Variants in MACROD2 observed in about 807,000 individuals in gnomAD.
MACROD2 encodes mono-ADP ribosylhydrolase 2, also known as ADP-ribose glycohydrolase MACROD2.
In MACROD2, 36 loss-of-function variants were observed where a neutral mutation model predicts 70.4. The observed-to-expected ratio is 0.51, with a 90% CI of 0.39 to 0.68. The LOEUF is 0.68. Ranked by LOEUF, MACROD2 falls within the 30% of genes least tolerant of loss-of-function variation. The pLI is 0.00. For synonymous variants in MACROD2, 172 were observed against 178.8 expected, an observed-to-expected ratio of 0.96 and a Z score of 0.30; for missense variants, 496 against 538.4, an observed-to-expected ratio of 0.92 and a Z score of 0.78.
At chr20:15,327,970 G>A (rs372450663) in intron 6 of MACROD2, among the ~76,000 whole-genome samples, 4 of 152,032 alleles carry the variant, frequency 2.6e-5, no homozygotes, top group African/African-American at 9.7e-5. Context: ...CAGAAAATAA[G>A]CAGTAAACTT....
intron 3 of MACROD2, among the ~76,000 whole-genome samples, chr20:14,182,303 T>C (rs552990478): frequency 1.9e-4 from 29 of 152,334 alleles, no homozygotes; most frequent in Non-Finnish European, 7.4e-5. Context: ...ATTCAAATTC[T>C]TTACCCATTT....
chr20:14,631,706 G>C (rs1984522899), intron 4 of MACROD2: 1 of 152,220 alleles, frequency 6.6e-6, no homozygotes. Flanking sequence ...ACCCAGGAGC[G>C]GAGGTTGCAG....
At position 15,895,534 on chromosome 20, in the gene MACROD2, A is replaced by G. The variant is rs964496731; in HGVS notation, c.775+9723A>G. On this transcript the variant is annotated intron_variant, in intron 10 of 17. Coordinates refer to ENST00000684519, the MANE Select transcript of MACROD2 (RefSeq NM_001351661.2). ...ATGCTGTTGTGCTGAAACCCTCCCA[A>G]CTTTAGAGGGGATGACACCAGGTTC... 5.9e-5 allele frequency among the ~76,000 whole-genome samples: 9 copies of G among 152,174 alleles called. No individual in the cohort carries two copies. The East Asian group carries it at 7.7e-4, about 13-fold the overall frequency.
At chr20:14,823,310 C>T (rs2072867843) in intron 5 of MACROD2, among the ~76,000 whole-genome samples, 2 of 152,058 alleles carry the variant, frequency 1.3e-5, no homozygotes, top group African/African-American at 4.8e-5. Context: ...TCATGTATAG[C>T]AATGCTTAAG....
chr20:15,778,070 A>T (rs1210513324), intron 8 of MACROD2, among the ~76,000 whole-genome samples: 1 of 152,198 alleles, frequency 6.6e-6, no homozygotes, highest in African/African-American at 2.4e-5. Flanking sequence ...GAATTTCCTC[A>T]GGTGATAATC....
chr20:14,728,739 G>C (rs2071559302), intron 5 of MACROD2, among the ~76,000 whole-genome samples: 1 of 152,096 alleles, frequency 6.6e-6, no homozygotes, highest in Non-Finnish European at 1.5e-5. Context: ...AGGAAGAATA[G>C]AAAAATGTAA....
At chr20:15,824,232 C>A (rs1568581771) in intron 8 of MACROD2, among the ~76,000 whole-genome samples, 2 of 151,590 alleles carry the variant, frequency 1.3e-5, no homozygotes, top group Non-Finnish European at 2.9e-5. Flanking sequence ...AATCACATAT[C>A]TTAAGTGTCT....
intron 8 of MACROD2, among the ~76,000 whole-genome samples, chr20:15,575,626 G>A (rs990709330): frequency 2.0e-5 from 3 of 152,134 alleles, no homozygotes; most frequent in Admixed American, 2.0e-4. Flanking sequence ...TTTATGAAAG[G>A]CATTTGTAAT....
chr20:14,847,492 T>G (rs2073155921), intron 5 of MACROD2, among the ~76,000 whole-genome samples: 2 of 150,608 alleles, frequency 1.3e-5, no homozygotes, highest in South Asian at 4.2e-4. Flanking sequence ...CCTGTTTTTT[T>G]TTTTTTTTTT....
chr20:15,713,692 A>G (rs1317846416), intron 8 of MACROD2, among the ~76,000 whole-genome samples: 3 of 152,112 alleles, frequency 2.0e-5, no homozygotes, highest in African/African-American at 7.2e-5. Flanking sequence ...TCCACTTCCA[A>G]CATTGGGAAT....
chr20:14,633,228 A>G (rs1984610079), intron 4 of MACROD2, among the ~76,000 whole-genome samples: 2 of 152,190 alleles, frequency 1.3e-5, no homozygotes, highest in Non-Finnish European at 2.9e-5. Flanking sequence ...TTATAAAGAC[A>G]TTTGTGATTC....
At chr20:15,095,586 C>T (rs1370617820) in intron 5 of MACROD2, among the ~76,000 whole-genome samples, 3 of 151,852 alleles carry the variant, frequency 2.0e-5, no homozygotes, top group East Asian at 2.0e-4. Flanking sequence ...GGCACAATCT[C>T]GGCTCACTGC....
intron 3 of MACROD2, among the ~76,000 whole-genome samples, chr20:14,473,282 C>T (rs1331242756): frequency 3.3e-5 from 5 of 152,164 alleles, no homozygotes; most frequent in African/African-American, 1.2e-4. Context: ...TACTGGCTGA[C>T]CACCCTCTCC....
At chr20:14,609,357 T>G (rs111632718) in intron 4 of MACROD2, among the ~76,000 whole-genome samples, 18 of 152,194 alleles carry the variant, frequency 1.2e-4, no homozygotes, top group African/African-American at 4.1e-4. Flanking sequence ...TTTCCGGTTT[T>G]GGGATCTGAA....
chr20:16,000,328 G>A (rs1021526503), intron 15 of MACROD2, among the ~76,000 whole-genome samples: 1 of 152,140 alleles, frequency 6.6e-6, no homozygotes, highest in Non-Finnish European at 1.5e-5. Flanking sequence ...ACAATGCCAT[G>A]CCCTTCTGTA....
chr20:15,766,800 T>C (rs2051534738), intron 8 of MACROD2, among the ~76,000 whole-genome samples: 1 of 152,212 alleles, frequency 6.6e-6, no homozygotes, highest in African/African-American at 2.4e-5. Context: ...GTATAATGGC[T>C]TAAAAACAGA....
chr20:14,684,879 T>C lies in MACROD2; in HGVS notation c.338T>C (p.Leu113Ser). ...ATTCATAGAGCAGCCGGCCCCTGTT[T>C]GCTAGCTGAATGTCGTAACCTGAAT... ...GCIHRAAGPC[L>S]LAECRNLNGC... is the part of the protein sequence containing the mutation. Residue 113 changes from leucine to serine, a missense_variant, in exon 5 of 18, where the codon TTG becomes TCG. Physicochemically the swap from Leu to Ser is moderately radical, Grantham distance 145. Transcript: ENST00000684519. 6.2e-7 allele frequency: 1 copy of C among 1,614,088 alleles called. No individual in the cohort carries two copies. Among genetic ancestry groups the C allele is most frequent in the Non-Finnish European group, 8.5e-7 (1 of 1,179,938 alleles).
chr20:14,991,880 C>A (rs939951386), intron 5 of MACROD2, among the ~76,000 whole-genome samples: 3 of 152,114 alleles, frequency 2.0e-5, no homozygotes, highest in Admixed American at 2.0e-4. Flanking sequence ...ATATTCAGAT[C>A]AAAATGGTTA....
intron 8 of MACROD2, among the ~76,000 whole-genome samples, chr20:15,771,555 AAGTT>A (rs2051627595): frequency 2.0e-5 from 3 of 151,826 alleles, no homozygotes; most frequent in South Asian, 2.1e-4. Flanking sequence ...TAAAAAAAAA[AAGTT>A]AGAAAGCAGC....
Sources: allele counts gnomAD v4.1 joint callset (sites outside exome capture counted in the v4.1 genomes callset), GRCh38; gene constraint gnomAD v4.1.1; transcripts MANE v1.5; gene names NCBI Gene and HGNC (gene_info 2026-07-23, HGNC 2026-07-21).